Variants in CDNF observed in about 807,000 individuals in gnomAD.
CDNF encodes ARMET-like protein 1.
In CDNF, 9 loss-of-function variants were observed where a neutral mutation model predicts 14.8. The observed-to-expected ratio is 0.61, with a 90% CI of 0.37 to 1.06. CDNF has a LOEUF of 1.06. Among genes scored for constraint, CDNF ranks in the 50% least tolerant of loss-of-function variants. The pLI is 0.01. For synonymous variants in CDNF, 86 were observed against 87.2 expected (o/e 0.99, Z 0.07); for missense variants, 228 against 228.4 (o/e 1.00, Z 0.01).
chr10:14,826,083 AAGAAGAAGAAGAAGCAGCAGCAGCAGC>A (rs1833782881), intron 2 of CDNF, among the ~76,000 whole-genome samples: 3 of 140,200 alleles, frequency 2.1e-5, no homozygotes, highest in South Asian at 2.5e-4. Context: ...GAAGAAGAAG[AAGAAGAAGAAGAAGCAGCAGCAGCAGC>A]AGCAGCAGCA....
chr10:14,829,298 T>C (rs1243871098), intron 1 of CDNF, among the ~76,000 whole-genome samples: 2 of 152,220 alleles, frequency 1.3e-5, no homozygotes, highest in Non-Finnish European at 2.9e-5. Flanking sequence ...TAAGTCTTTA[T>C]TTCCATCGTT....
At chr10:14,828,849 A>T (rs936359648) in intron 1 of CDNF, among the ~76,000 whole-genome samples, 5 of 151,634 alleles carry the variant, frequency 3.3e-5, no homozygotes, top group Admixed American at 2.0e-4. Flanking sequence ...CTACTAAAAA[A>T]AAAACACAAA....
At chr10:14,826,051 A>AGAAGAT in intron 2 of CDNF, among the ~76,000 whole-genome samples, 3 of 129,428 alleles carry the variant, frequency 2.3e-5, no homozygotes, top group Non-Finnish European at 4.8e-5. Context: ...AAGAAGAAGA[A>AGAAGAT]GAAGAAGAAG....
At chr10:14,824,362 T>C (rs1180629329) in intron 3 of CDNF, among the ~76,000 whole-genome samples, 3 of 152,078 alleles carry the variant, frequency 2.0e-5, no homozygotes, top group African/African-American at 4.8e-5. Flanking sequence ...TCCTAGCACT[T>C]TGAGAGGACA....
chr10:14,826,376 CAGCAGAAGAAGA>C (rs990489054), intron 2 of CDNF, among the ~76,000 whole-genome samples: 2 of 140,652 alleles, frequency 1.4e-5, no homozygotes, highest in Non-Finnish European at 3.1e-5. Context: ...AGAAGAGCAG[CAGCAGAAGAAGA>C]AGCAGAAGAA....
intron 3 of CDNF, among the ~76,000 whole-genome samples, chr10:14,821,741 A>C: frequency 6.6e-6 from 1 of 152,226 alleles, no homozygotes; most frequent in East Asian, 1.9e-4. Context: ...TACCATTTGG[A>C]GCATTCTCAA....
intron 2 of CDNF, among the ~76,000 whole-genome samples, chr10:14,826,218 AAGC>A (rs202128407): frequency 4.3e-4 from 64 of 148,220 alleles, no homozygotes; most frequent in Non-Finnish European, 6.8e-4. Flanking sequence ...GAAGAAGAAG[AAGC>A]AGAAGCAGAA....
chr10:14,827,473 TATAA>T (rs1390079713), intron 2 of CDNF, among the ~76,000 whole-genome samples: 3 of 152,244 alleles, frequency 2.0e-5, no homozygotes, highest in Non-Finnish European at 4.4e-5. Context: ...ATTAATTATG[TATAA>T]ATAATAATGT....
In CDNF at chr10:14,826,037, GAAGAAGA is replaced by G. The variant is rs1564313301; in HGVS notation, c.244-424_244-418del. On this transcript the variant is annotated intron_variant, in intron 2 of 3. Coordinates refer to ENST00000465530, the MANE Select transcript of CDNF (RefSeq NM_001029954.3). ...AGCAGAAGAAGAAGAAGGAGAAGAAGAAGAAGAAGAAGAAGAAGAAGAAGAAGAAGAA... is the reference window on the plus strand; with the variant it reads ...AGCAGAAGAAGAAGAAGGAGAAGAAGAGAAGAAGAAGAAGAAGAAGAAGAA... 1.1e-4 allele frequency among the ~76,000 whole-genome samples: 8 copies of G among 75,006 alleles called. No individual in the cohort carries two copies. In the East Asian group the frequency reaches 2.5e-3, roughly 23 times the overall value. The allele number at this position is 75,006 out of a possible 152,430, so 49.2% of individuals were successfully genotyped here.
Position 14,820,064 on chromosome 10 carries a change from G to A in CDNF, c.480C>T (p.Ala160=), listed in dbSNP as rs774620932. Residue 160 remains alanine (A), a synonymous_variant, in exon 4 of 4, where the codon GCC becomes GCT. Transcript: ENST00000465530. ...TCACATAGTCAGTTTTTTCTGCACA[G>A]GCCCTGCACTCCTCCCCCCAGCTAT... The part of the protein sequence containing the change: ...ILHSWGEECR[A]CAEKTDYVNL... The A allele has an allele frequency of 2.2e-5, 35 of 1,613,998 alleles. No homozygotes were observed. In the East Asian group the frequency reaches 5.3e-4, roughly 25 times the overall value.
chr10:14,820,103 C>G lies in CDNF; in HGVS notation c.441G>C (p.Leu147=). 6.2e-7 allele frequency: 1 copy of G among 1,614,206 alleles called. No individual in the cohort carries two copies. ...VDLRKMRVAE[L]KQILHSWGEE... The stretch of plus-strand genomic sequence containing the variant: ...CCCCCCAGCTATGCAGGATCTGCTT[C>G]AGCTCTGCCACTCTCATCTTCCGCA... Residue 147 remains leucine, a synonymous_variant, in exon 4 of 4, where the codon CTG becomes CTC. Coordinates refer to ENST00000465530, the MANE Select transcript of CDNF (RefSeq NM_001029954.3).
intron 3 of CDNF, among the ~76,000 whole-genome samples, chr10:14,823,045 T>G (rs1833750737): frequency 6.6e-6 from 1 of 152,232 alleles, no homozygotes; most frequent in Non-Finnish European, 1.5e-5. Flanking sequence ...AGAATACTTT[T>G]TAAAGTAGAA....
intron 2 of CDNF, 79 bp from the exon 3 acceptor site, chr10:14,825,699 A>T: frequency 6.8e-7 from 1 of 1,471,866 alleles, no homozygotes; most frequent in South Asian, 1.2e-5. Context: ...GGAATACAGT[A>T]TCAAGAAGAA....
chr10:14,826,464 GAAGCAGAAGAAGAAGAAA>G (rs1248182135), intron 2 of CDNF, among the ~76,000 whole-genome samples: 7 of 145,254 alleles, frequency 4.8e-5, no homozygotes, highest in African/African-American at 1.9e-4. Context: ...GAAGAAGAAA[GAAGCAGAAGAAGAAGAAA>G]AAGAAGAAGA....
chr10:14,837,963 C>T lies in CDNF; in HGVS notation c.-17G>A. ...GCACCACATGCTGGGCCAGCAGCTT[C>T]AATCGCCTCCGCCACCCGCGCCCAC... On this transcript the variant is annotated 5_prime_UTR_variant, in exon 1 of 4. Transcript: ENST00000465530. The T allele has an allele frequency of 1.3e-6, 2 of 1,559,360 alleles. No individual in the cohort carries two copies. The highest frequency in any genetic ancestry group is 1.9e-5 in the Admixed American group (1 of 53,874).
At chr10:14,826,428 AGCAGAAGAAAGAAGCAG>A (rs1833795217) in intron 2 of CDNF, among the ~76,000 whole-genome samples, 2 of 152,054 alleles carry the variant, frequency 1.3e-5, no homozygotes, top group African/African-American at 2.4e-5. Flanking sequence ...CAGCAGAAGC[AGCAGAAGAAAGAAGCAG>A]AAGAAGCAGA....
intron 1 of CDNF, among the ~76,000 whole-genome samples, chr10:14,831,088 C>G (rs1313986410): frequency 6.6e-6 from 1 of 152,134 alleles, no homozygotes; most frequent in African/African-American, 2.4e-5. Context: ...TTCTTTTAGT[C>G]TCTAAAGATG....
chr10:14,820,576 C>T (rs1474290380), intron 3 of CDNF, among the ~76,000 whole-genome samples: 1 of 151,428 alleles, frequency 6.6e-6, no homozygotes, highest in African/African-American at 2.4e-5. Context: ...AAAAAAGAAA[C>T]AAAAAATTAG....
At chr10:14,825,644 A>C in intron 2 of CDNF, 24 bp from the exon 3 acceptor site, 1 of 1,611,310 alleles carries the variant, frequency 6.2e-7, no homozygotes, top group African/African-American at 1.3e-5. Context: ...AAGAGAATTG[A>C]GTGTTCCAGA....
Sources: gnomAD v4.1 joint callset for allele counts (sites outside exome capture counted in the v4.1 genomes callset) on GRCh38, gnomAD v4.1.1 for gene constraint, MANE v1.5 for transcripts, NCBI Gene and HGNC (gene_info 2026-07-23, HGNC 2026-07-21) for gene names.